DPH6: variants seen among roughly 807,000 people sequenced by gnomAD.
The protein encoded by DPH6 is diphthamine biosynthesis 6.
Under a neutral mutation model 38.2 loss-of-function variants are expected in DPH6, and 33 were observed. That is an observed-to-expected ratio of 0.86 (90% CI 0.65 to 1.15). The LOEUF (loss-of-function observed/expected upper bound fraction) is 1.15. Ranked by LOEUF, DPH6 falls within the 50% of genes most tolerant of loss-of-function variation. The pLI is 0.00. For synonymous variants in DPH6, 108 were observed against 103.0 expected (o/e 1.05, Z -0.30); for missense variants, 325 against 320.0 (o/e 1.02, Z -0.12).
chr15:35,161,695 G>GCT, the DPH6 span, among the ~76,000 whole-genome samples: 2 of 150,122 alleles, frequency 1.3e-5, no homozygotes, highest in South Asian at 2.1e-4. Flanking sequence ...TAGTGTGCTC[G>GCT]CTCTCTCTCT....
At chr15:35,525,397 A>G (rs2054984277) in intron 3 of DPH6, among the ~76,000 whole-genome samples, 1 of 152,136 alleles carries the variant, frequency 6.6e-6, no homozygotes, top group African/African-American at 2.4e-5. Flanking sequence ...CTTCCTTGAG[A>G]AATGCACAGC....
At chr15:35,173,200 T>G in the DPH6 span, among the ~76,000 whole-genome samples, 1 of 152,306 alleles carries the variant, frequency 6.6e-6, no homozygotes, top group African/African-American at 2.4e-5. Context: ...TGTGAACTTG[T>G]TACCTTCCTT....
the DPH6 span, among the ~76,000 whole-genome samples, chr15:35,197,102 A>G: frequency 1.1e-4 from 16 of 152,238 alleles, no homozygotes; most frequent in African/African-American, 3.9e-4. Flanking sequence ...AAGGTATGTT[A>G]GCACACAAAT....
At chr15:35,274,832 G>A (rs993286676) in intron 3 of DPH6, among the ~76,000 whole-genome samples, 4 of 152,132 alleles carry the variant, frequency 2.6e-5, no homozygotes, top group Non-Finnish European at 5.9e-5. Context: ...ATGACAGTGC[G>A]GCGATTCCTC....
At chr15:35,192,146 T>G in the DPH6 span, among the ~76,000 whole-genome samples, 1 of 152,306 alleles carries the variant, frequency 6.6e-6, no homozygotes, top group East Asian at 1.9e-4. Flanking sequence ...CAGAAAGTAT[T>G]TAAGACAGGG....
chr15:35,404,139 T>G (rs2053259280), intron 6 of DPH6, among the ~76,000 whole-genome samples: 1 of 152,174 alleles, frequency 6.6e-6, no homozygotes. Flanking sequence ...GATGGACACT[T>G]GGGTTGCTTC....
chr15:35,398,541 G>T (rs996129423), intron 6 of DPH6, among the ~76,000 whole-genome samples: 1 of 152,162 alleles, frequency 6.6e-6, no homozygotes, highest in African/African-American at 2.4e-5. Context: ...GAGACAGCCT[G>T]GAAGCTCTGT....
chr15:35,177,606 C>CATT, the DPH6 span, among the ~76,000 whole-genome samples: 1 of 125,296 alleles, frequency 8.0e-6, no homozygotes, highest in African/African-American at 2.9e-5. Flanking sequence ...AAAAAATCAT[C>CATT]ATCATCATCA....
chr15:35,229,552 A>G (rs1262880418), intron 3 of DPH6, among the ~76,000 whole-genome samples: 2 of 151,900 alleles, frequency 1.3e-5, no homozygotes, highest in Admixed American at 1.3e-4. Context: ...CTGGTGTTTT[A>G]TTTAGCTCAT....
At chr15:35,351,729 T>G (rs572138754) in intron 3 of DPH6, among the ~76,000 whole-genome samples, 1 of 151,712 alleles carries the variant, frequency 6.6e-6, no homozygotes, top group Admixed American at 6.6e-5. Context: ...TCTTTTTTTT[T>G]TTTTTTTTGA....
intron 3 of DPH6, among the ~76,000 whole-genome samples, chr15:35,529,816 T>A (rs2055060109): frequency 6.6e-6 from 1 of 151,950 alleles, no homozygotes; most frequent in Non-Finnish European, 1.5e-5. Flanking sequence ...CTAAGACATT[T>A]ATTCAACTCC....
At chr15:35,358,398 CT>C (rs1178553963) in intron 3 of DPH6, among the ~76,000 whole-genome samples, 4 of 152,094 alleles carry the variant, frequency 2.6e-5, no homozygotes, top group Admixed American at 2.6e-4. Context: ...GGGATTTCTT[CT>C]TCATTTGGAG....
intron 3 of DPH6, chr15:35,238,125 C>G: frequency 8.1e-7 from 1 of 1,236,272 alleles, no homozygotes; most frequent in Non-Finnish European, 1.2e-6. Context: ...CATATCCCCT[C>G]CCCCGCTCCA....
At chr15:35,298,941 A>G in intron 3 of DPH6, 5 of 791,244 alleles carry the variant, frequency 6.3e-6, no homozygotes, top group Admixed American at 5.1e-5. Flanking sequence ...AGCTCCGCCC[A>G]TACTTGTTTT....
chr15:35,421,752 AG>A (rs1183807118), intron 5 of DPH6, among the ~76,000 whole-genome samples: 12 of 152,262 alleles, frequency 7.9e-5, no homozygotes, highest in African/African-American at 2.4e-4. Flanking sequence ...TTTCATTTTA[AG>A]GAGTTTATGC....
chr15:35,465,193 T>C (rs1403181043), intron 3 of DPH6, among the ~76,000 whole-genome samples: 1 of 152,210 alleles, frequency 6.6e-6, no homozygotes. Context: ...TAATTTTCTT[T>C]GAAAAATGCC....
chr15:35,320,232 T>C (rs1223130755), intron 3 of DPH6, among the ~76,000 whole-genome samples: 1 of 152,224 alleles, frequency 6.6e-6, no homozygotes, highest in Non-Finnish European at 1.5e-5. Flanking sequence ...GGATATATTA[T>C]TTTGTTTGCT....
intron 3 of DPH6, among the ~76,000 whole-genome samples, chr15:35,315,115 C>T (rs1175076700): frequency 1.3e-5 from 2 of 152,186 alleles, no homozygotes; most frequent in East Asian, 3.9e-4. Context: ...GGGCCCAGTT[C>T]TTCACGACAA....
At chr15:35,293,767 T>C (rs746940926) in intron 3 of DPH6, among the ~76,000 whole-genome samples, 11 of 152,140 alleles carry the variant, frequency 7.2e-5, no homozygotes, top group Admixed American at 1.3e-4. Flanking sequence ...GTGGTGGATG[T>C]GAAAGGAATG....
Sources: allele counts gnomAD v4.1 joint callset (sites outside exome capture counted in the v4.1 genomes callset), GRCh38; gene constraint gnomAD v4.1.1; transcripts MANE v1.5; gene names NCBI Gene and HGNC (gene_info 2026-07-23, HGNC 2026-07-21).